ADARB2: variants seen among roughly 807,000 people sequenced by gnomAD.
The protein encoded by ADARB2 is inactive double-stranded RNA-specific editase B2.
ADARB2 carries 25 observed loss-of-function variants against 62.2 expected under a neutral mutation model. The ratio of observed to expected loss-of-function variants is 0.40; its 90% CI spans 0.29 to 0.56. ADARB2 has a LOEUF of 0.56. Ranked by LOEUF, ADARB2 falls within the 20% of genes least tolerant of loss-of-function variation. The pLI, the probability that ADARB2 is intolerant of heterozygous loss-of-function variation, is 0.43. For missense variants in ADARB2, 1,071 were observed against 1,077.4 expected (o/e 0.99, Z 0.08); for synonymous variants, 572 against 500.8 (o/e 1.14, Z -1.90).
At chr10:1,707,377 G>A (rs543061395) in intron 1 of ADARB2, among the ~76,000 whole-genome samples, 1 of 152,370 alleles carries the variant, frequency 6.6e-6, no homozygotes, top group African/African-American at 2.4e-5. Context: ...TTCTGTGAAC[G>A]TTTGTCTGCC....
At chr10:1,280,893 C>T (rs954260769) in intron 3 of ADARB2, among the ~76,000 whole-genome samples, 26 of 152,318 alleles carry the variant, frequency 1.7e-4, no homozygotes, top group Middle Eastern at 3.4e-3. Context: ...GATGGAGCCA[C>T]GAGAGGGTTG....
At position 1,183,264 on chromosome 10, in the gene ADARB2, AG is replaced by A; in HGVS notation, c.2148del (p.Gln718ArgfsTer9). On this transcript the variant is annotated frameshift_variant, in exon 10 of 10. Coordinates refer to ENST00000381312, the MANE Select transcript of ADARB2 (RefSeq NM_018702.4). LOFTEE classifies it high-confidence loss of function. Reference sequence around the variant, plus strand: ...CAGGTGCCCAGGCCAGCCTTCTGAAAGGCCTTGAACAGCTGCTGTTTCACAG... The same window carrying A: ...CAGGTGCCCAGGCCAGCCTTCTGAAAGCCTTGAACAGCTGCTGTTTCACAG... ...YQSVKQQLFKAFQKAGLGTWV... is the reference protein window; with the variant it reads ...YQSVKQQLFKXFQKAGLGTWV... The A allele has an allele frequency of 1.2e-6, 2 of 1,614,126 alleles. No individual in the cohort carries two copies. Among genetic ancestry groups the A allele is most frequent in the Non-Finnish European group, 1.7e-6 (2 of 1,180,026 alleles).
intron 1 of ADARB2, among the ~76,000 whole-genome samples, chr10:1,718,681 T>A (rs1234208002): frequency 6.6e-6 from 1 of 152,164 alleles, no homozygotes; most frequent in Non-Finnish European, 1.5e-5. Flanking sequence ...TCTTCACGGC[T>A]GCTTTACCTA....
Position 1,242,286 on chromosome 10 carries a change from C to A in ADARB2, c.1206G>T (p.Arg402=), listed in dbSNP as rs140915343. 3.0e-4 allele frequency: 470 copies of A among 1,562,664 alleles called. No individual in the cohort carries two copies. The highest frequency in any genetic ancestry group is 1.5e-3 in the Middle Eastern group (9 of 5,968). Residue 402 remains arginine (R), a synonymous_variant, in exon 5 of 10, where the codon CGG becomes CGT. Coordinates refer to ENST00000381312, the MANE Select transcript of ADARB2 (RefSeq NM_018702.4). ...GIVMTKGLDA[R]QAQVVALSSG... ...AGGACAGGGCCACGACCTGCGCCTG[C>A]CGAGCATCCAGGCCTGGGGACACAG...
intron 3 of ADARB2, among the ~76,000 whole-genome samples, chr10:1,296,101 G>A (rs756975585): frequency 5.3e-5 from 8 of 152,212 alleles, no homozygotes; most frequent in Non-Finnish European, 1.0e-4. Flanking sequence ...TCATGGTGCT[G>A]GCAGATGTGC....
chr10:1,605,411 C>T (rs1833483003), intron 1 of ADARB2, among the ~76,000 whole-genome samples: 1 of 152,202 alleles, frequency 6.6e-6, no homozygotes, highest in South Asian at 2.1e-4. Context: ...ACCACTGGTG[C>T]CCTTCTTTCC....
At chr10:1,705,231 C>T (rs539908031) in intron 1 of ADARB2, among the ~76,000 whole-genome samples, 12 of 152,178 alleles carry the variant, frequency 7.9e-5, no homozygotes, top group Non-Finnish European at 1.5e-4. Context: ...GGTGGATGGG[C>T]CAAGGCGGCT....
At position 1,193,803 on chromosome 10, in the gene ADARB2, A is replaced by C. The variant is rs112611676; in HGVS notation, c.1864+6163T>G. 1.2e-3 allele frequency among the ~76,000 whole-genome samples: 185 copies of C among 152,270 alleles called. 1 individual carries two copies. The highest frequency in any genetic ancestry group is 3.5e-3 in the African/African-American group (145 of 41,560). On this transcript the variant is annotated intron_variant, in intron 8 of 9. Coordinates refer to ENST00000381312, the MANE Select transcript of ADARB2 (RefSeq NM_018702.4). ...TTTTTTTGTCTTCTGAGAATCAGTT[A>C]CCAGTCTGATTTAGCTCCTTTGAAG...
intron 7 of ADARB2, among the ~76,000 whole-genome samples, chr10:1,209,552 A>ATCG (rs1837119776): frequency 3.5e-4 from 8 of 22,854 alleles, no homozygotes; most frequent in Middle Eastern, 0.02. Flanking sequence ...CACCCATGCC[A>ATCG]TCACCCACAC....
At chr10:1,247,912 C>T (rs1338781517) in intron 4 of ADARB2, among the ~76,000 whole-genome samples, 12 of 152,166 alleles carry the variant, frequency 7.9e-5, no homozygotes, top group East Asian at 5.8e-4. Context: ...TCTCCTTTTT[C>T]GGTGCTCTGG....
intron 1 of ADARB2, among the ~76,000 whole-genome samples, chr10:1,569,128 CAAAG>C (rs1564333464): frequency 2.2e-5 from 3 of 133,346 alleles, no homozygotes; most frequent in Non-Finnish European, 5.0e-5. Context: ...GAGACAGAGA[CAAAG>C]AGAGAGACAG....
At chr10:1,549,380 T>C (rs940880485) in intron 1 of ADARB2, among the ~76,000 whole-genome samples, 3 of 152,140 alleles carry the variant, frequency 2.0e-5, no homozygotes, top group African/African-American at 4.8e-5. Flanking sequence ...TGGGAGTGGA[T>C]GGATTGTGAT....
At chr10:1,444,182 T>TCATC (rs1330762876) in intron 1 of ADARB2, among the ~76,000 whole-genome samples, 3 of 140,684 alleles carry the variant, frequency 2.1e-5, no homozygotes, top group Admixed American at 7.0e-5. Flanking sequence ...ACTTACTCAT[T>TCATC]CATCCATCCA....
chr10:1,509,265 A>T (rs1831892346), intron 1 of ADARB2, among the ~76,000 whole-genome samples: 1 of 152,062 alleles, frequency 6.6e-6, no homozygotes, highest in Non-Finnish European at 1.5e-5. Context: ...TGCTTTTATG[A>T]CCTCACTGTC....
At chr10:1,303,749 C>A (rs1297664246) in intron 3 of ADARB2, among the ~76,000 whole-genome samples, 1 of 152,044 alleles carries the variant, frequency 6.6e-6, no homozygotes, top group Non-Finnish European at 1.5e-5. Context: ...AATTTTCAAC[C>A]CAGAATTTCA....
chr10:1,350,823 G>C (rs1347207300), intron 3 of ADARB2, among the ~76,000 whole-genome samples: 1 of 152,076 alleles, frequency 6.6e-6, no homozygotes, highest in Non-Finnish European at 1.5e-5. Flanking sequence ...CCCCACAGCA[G>C]GACTTAATTG....
chr10:1,372,870 A>G (rs545575284), intron 2 of ADARB2, among the ~76,000 whole-genome samples: 2 of 152,348 alleles, frequency 1.3e-5, no homozygotes, highest in South Asian at 4.1e-4. Context: ...ACACCAGGGC[A>G]GACGGGGAAC....
chr10:1,415,109 G>A, intron 1 of ADARB2, among the ~76,000 whole-genome samples: 1 of 151,444 alleles, frequency 6.6e-6, no homozygotes, highest in East Asian at 1.9e-4. Context: ...GATGGTGAAT[G>A]GATGGGCAGA....
intron 1 of ADARB2, among the ~76,000 whole-genome samples, chr10:1,693,110 T>C (rs1834694317): frequency 6.6e-6 from 1 of 152,206 alleles, no homozygotes; most frequent in African/African-American, 2.4e-5. Flanking sequence ...GCCAACTCCC[T>C]CAGGTGTTTC....
Sources: allele counts gnomAD v4.1 joint callset (sites outside exome capture counted in the v4.1 genomes callset), GRCh38; gene constraint gnomAD v4.1.1; transcripts MANE v1.5; gene names NCBI Gene and HGNC (gene_info 2026-07-23, HGNC 2026-07-21).